Variants in JAK2 observed in about 807,000 individuals in gnomAD.
The protein encoded by JAK2 is tyrosine-protein kinase JAK2.
A neutral mutation model predicts 139.3 loss-of-function variants in JAK2; 86 were observed. That is an observed-to-expected ratio of 0.62 (90% CI 0.52 to 0.74). The LOEUF (loss-of-function observed/expected upper bound fraction) is 0.74. Ranked by LOEUF, JAK2 falls within the 30% of genes least tolerant of loss-of-function variation. The probability of loss-of-function intolerance (pLI) is 0.00; values close to 1 mark genes in which losing one functional copy is unlikely to be tolerated. For synonymous variants in JAK2, 490 were observed against 437.7 expected, an observed-to-expected ratio of 1.12 and a Z score of -1.49; for missense variants, 1,421 against 1,360.3, an observed-to-expected ratio of 1.04 and a Z score of -0.70.
chr9:5,048,718 A>G lies in JAK2; in HGVS notation c.469-1968A>G, dbSNP rs1272815994. ...ATATCTTCTATATTTTATTAATAGA[A>G]AAGCAAATATACTTTTAAATATGTT... On this transcript the variant is annotated intron_variant, in intron 5 of 24. Transcript: ENST00000381652. Among the ~76,000 whole-genome samples, 9 of 152,276 alleles carry G rather than the reference A, an allele frequency of 5.9e-5. No homozygotes were observed. The East Asian group carries it at 1.7e-3, about 29-fold the overall frequency.
rs994672830 is a variant in JAK2 at position 5,042,230 on chromosome 9, C to T, written c.351-2173C>T. On this transcript the variant is annotated intron_variant, in intron 4 of 24. Transcript: ENST00000381652. ...TCGGCTCACTGCAAGCTCCGCCTCCCGGGTTCCCGCCATTCTCCTGCCTCA... is the reference window on the plus strand; with the variant it reads ...TCGGCTCACTGCAAGCTCCGCCTCCTGGGTTCCCGCCATTCTCCTGCCTCA... Among the ~76,000 whole-genome samples the T allele has an allele frequency of 1.1e-4, 16 of 151,100 alleles. 1 individual carries two copies. The South Asian group carries it at 2.3e-3, about 22-fold the overall frequency.
At chr9:5,120,197 A>G (rs1222323294) in intron 22 of JAK2, among the ~76,000 whole-genome samples, 9 of 152,224 alleles carry the variant, frequency 5.9e-5, no homozygotes, top group Admixed American at 5.9e-4. Context: ...CACATGGACA[A>G]AAGTGGAAGG....
At chr9:5,014,924 AT>A (rs1038555192) in intron 2 of JAK2, among the ~76,000 whole-genome samples, 9 of 128,916 alleles carry the variant, frequency 7.0e-5, no homozygotes, top group East Asian at 4.7e-4. Flanking sequence ...TTGATTTTTT[AT>A]TTTTTTTTTG....
chr9:5,103,870 G>A (rs1399330428), intron 22 of JAK2, among the ~76,000 whole-genome samples: 4 of 152,042 alleles, frequency 2.6e-5, no homozygotes, highest in Non-Finnish European at 4.4e-5. Flanking sequence ...TGAAACCAAC[G>A]AGAACAAAGA....
intron 19 of JAK2, 46 bp from the exon 20 acceptor site, chr9:5,089,628 G>A (rs752855851): frequency 1.1e-6 from 1 of 889,524 alleles, no homozygotes. Context: ...TTTGTAATTT[G>A]CCTTGAAAAC....
chr9:5,041,443 C>T (rs1238900446), intron 4 of JAK2: 3 of 619,792 alleles, frequency 4.8e-6, no homozygotes, highest in Admixed American at 4.4e-5. Flanking sequence ...TCCTGTGCAG[C>T]AGCCTCCCCT....
At chr9:4,987,017 C>T (rs572538478) in intron 2 of JAK2, among the ~76,000 whole-genome samples, 3 of 152,284 alleles carry the variant, frequency 2.0e-5, no homozygotes, top group South Asian at 2.1e-4. Flanking sequence ...TTCCCCCATC[C>T]GCCTCACCTT....
chr9:5,044,388 T>C lies in JAK2; in HGVS notation c.351-15T>C, dbSNP rs761744348. On this transcript the variant is annotated splice_polypyrimidine_tract_variant and intron_variant, in intron 4 of 24. Transcript: ENST00000381652. Reference sequence around the variant, plus strand: ...ACTATTTGGAAGCTGACCAAATGTTTTTATTATCTTGTAGATTTTACTTTC... The same window carrying C: ...ACTATTTGGAAGCTGACCAAATGTTCTTATTATCTTGTAGATTTTACTTTC... 5 of 1,541,726 alleles carry C rather than the reference T, an allele frequency of 3.2e-6. No homozygotes were observed. Among genetic ancestry groups the C allele is most frequent in the Non-Finnish European group, 4.5e-6 (5 of 1,115,000 alleles).
chr9:5,052,138 A>T (rs1817457543), intron 6 of JAK2, among the ~76,000 whole-genome samples: 1 of 152,106 alleles, frequency 6.6e-6, no homozygotes, highest in East Asian at 1.9e-4. Flanking sequence ...ATTGAAGATG[A>T]ATGTTATAAA....
intron 4 of JAK2, among the ~76,000 whole-genome samples, chr9:5,044,105 T>C (rs1243342193): frequency 1.3e-5 from 2 of 152,268 alleles, no homozygotes; most frequent in East Asian, 3.8e-4. Flanking sequence ...TGTTACTGGA[T>C]TAAGCTATGT....
Position 5,066,562 on chromosome 9 carries a change from G to T in JAK2, c.1215-116G>T, listed in dbSNP as rs530226669. On this transcript the variant is annotated intron_variant, in intron 9 of 24. Transcript: ENST00000381652. ...GAAAGATTATTGCTAAACATATAAA[G>T]TAGAGGAGACAATTCTGACAGTTTT... 6 of 647,642 alleles carry T rather than the reference G, an allele frequency of 9.3e-6. No individual in the cohort carries two copies. The Admixed American group carries it at 1.2e-4, about 13-fold the overall frequency. 40.1% of individuals were successfully genotyped at this position (647,642 alleles called of 1,614,324 possible).
At chr9:5,040,827 T>G in intron 4 of JAK2, 1 of 206,796 alleles carries the variant, frequency 4.8e-6, no homozygotes, top group Non-Finnish European at 9.9e-6. Context: ...GGGGCCCGAG[T>G]GGGGCGCCAG....
chr9:5,090,368 T>TTATG, intron 20 of JAK2, 78 bp from the exon 21 acceptor site: 1 of 1,054,032 alleles, frequency 9.5e-7, no homozygotes, highest in South Asian at 3.3e-5. Context: ...TTTAAGTCAT[T>TTATG]TATGTATGAT....
intron 22 of JAK2, among the ~76,000 whole-genome samples, chr9:5,121,502 A>G (rs1823612951): frequency 6.6e-6 from 1 of 152,144 alleles, no homozygotes; most frequent in Non-Finnish European, 1.5e-5. Context: ...GCTTGGAAGG[A>G]GGCTCCTGCT....
intron 10 of JAK2, among the ~76,000 whole-genome samples, chr9:5,068,269 A>C (rs551558820): frequency 6.6e-6 from 1 of 152,358 alleles, no homozygotes; most frequent in East Asian, 1.9e-4. Context: ...TTCTGAGTAG[A>C]ATGAATATGT....
chr9:4,995,536 A>G (rs1024389720), intron 2 of JAK2, among the ~76,000 whole-genome samples: 1 of 152,198 alleles, frequency 6.6e-6, no homozygotes. Flanking sequence ...CTGCTGTGAA[A>G]TGCTGGTGTT....
chr9:4,988,752 C>T (rs1820097678), intron 2 of JAK2, among the ~76,000 whole-genome samples: 2 of 152,156 alleles, frequency 1.3e-5, no homozygotes, highest in South Asian at 4.1e-4. Context: ...TACTGGTCTT[C>T]TGCTTCTACT....
At chr9:5,017,031 C>G (rs749574589) in intron 2 of JAK2, among the ~76,000 whole-genome samples, 2 of 152,264 alleles carry the variant, frequency 1.3e-5, no homozygotes, top group South Asian at 4.1e-4. Context: ...AAAAATATTG[C>G]AGAACATTGC....
chr9:5,087,308 T>C (rs530657250), intron 19 of JAK2, among the ~76,000 whole-genome samples: 1 of 152,284 alleles, frequency 6.6e-6, no homozygotes, highest in East Asian at 1.9e-4. Context: ...AAATGCCAGA[T>C]GCTTACAAAA....
Sources: allele counts gnomAD v4.1 joint callset (sites outside exome capture counted in the v4.1 genomes callset), GRCh38; gene constraint gnomAD v4.1.1; transcripts MANE v1.5; gene names NCBI Gene and HGNC (gene_info 2026-07-23, HGNC 2026-07-21).